Variants in SUPT6H observed in about 807,000 individuals in gnomAD.
The protein encoded by SUPT6H is SPT6 homolog, histone chaperone and transcription elongation factor, also known as transcription elongation factor SPT6.
Under a neutral mutation model 222.3 loss-of-function variants are expected in SUPT6H, and 11 were observed. The ratio of observed to expected loss-of-function variants is 0.05; its 90% CI spans 0.03 to 0.08. The LOEUF (loss-of-function observed/expected upper bound fraction) is 0.08. Among genes scored for constraint, SUPT6H ranks in the 10% least tolerant of loss-of-function variants. The pLI, the probability that SUPT6H is intolerant of heterozygous loss-of-function variation, is 1.00. For synonymous variants in SUPT6H, 762 were observed against 801.2 expected (o/e 0.95, Z 0.83); for missense variants, 1,422 against 2,216.0 (o/e 0.64, Z 7.19).
At chr17:28,692,027 A>C (rs956889286) in intron 27 of SUPT6H, among the ~76,000 whole-genome samples, 5 of 151,660 alleles carry the variant, frequency 3.3e-5, no homozygotes, top group Middle Eastern at 3.2e-3. Context: ...CCTTTTTTAA[A>C]AAAAGGGAGG....
At chr17:28,673,575 C>A in intron 2 of SUPT6H, 65 bp downstream of exon 2, 2 of 1,264,390 alleles carry the variant, frequency 1.6e-6, no homozygotes, top group Non-Finnish European at 2.3e-6. Flanking sequence ...TGGATTCTTG[C>A]TGATGAAAAG....
intron 1 of SUPT6H, among the ~76,000 whole-genome samples, chr17:28,665,678 G>T (rs920998801): frequency 6.6e-6 from 1 of 152,202 alleles, no homozygotes; most frequent in East Asian, 1.9e-4. Flanking sequence ...CAGGAGAATT[G>T]CTTGAACCTG....
In SUPT6H at chr17:28,701,828, C is replaced by G; in HGVS notation, c.*203C>G. 3.5e-6 allele frequency: 2 copies of G among 575,026 alleles called. No individual in the cohort carries two copies. The highest frequency in any genetic ancestry group is 3.1e-5 in the Admixed American group (1 of 32,596). 35.6% of individuals were successfully genotyped at this position (575,026 alleles called of 1,614,324 possible). ...ATGCTAGGCAACAATTCTCCCGCTC[C>G]AGACCCTCACCGACCACCTGTCCTG... On this transcript the variant is annotated 3_prime_UTR_variant, in exon 37 of 37. Coordinates refer to ENST00000314616, the MANE Select transcript of SUPT6H (RefSeq NM_003170.5).
Position 28,683,279 on chromosome 17 carries a change from G to A in SUPT6H, c.1890G>A (p.Glu630=), listed in dbSNP as rs767639709. ...PTKKGRKDVD[E]AHYAYSFKYL... is the part of the protein sequence containing the mutation. ...CTTCATGTGTGCAGGATGTGGATGA[G>A]GCCCACTATGCCTATTCCTTCAAGT... The change falls in exon 16 of 37, where the codon GAG becomes GAA. Residue 630 remains glutamate (E), a synonymous_variant. Coordinates refer to ENST00000314616, the MANE Select transcript of SUPT6H (RefSeq NM_003170.5). 6.2e-7 allele frequency: 1 copy of A among 1,614,156 alleles called. No individual in the cohort carries two copies. Among genetic ancestry groups the A allele is most frequent in the Admixed American group, 1.7e-5 (1 of 60,018 alleles).
chr17:28,663,878 T>C (rs2151593545), intron 1 of SUPT6H, among the ~76,000 whole-genome samples: 1 of 132,032 alleles, frequency 7.6e-6, no homozygotes. Context: ...TTGCCCAGGT[T>C]GGAGTGCAGT....
chr17:28,688,389 C>A lies in SUPT6H; in HGVS notation c.3134+171C>A. 1.4e-6 allele frequency: 1 copy of A among 698,560 alleles called. No individual in the cohort carries two copies. The highest frequency in any genetic ancestry group is 2.1e-6 in the Non-Finnish European group (1 of 479,062). 43.3% of individuals were successfully genotyped at this position (698,560 alleles called of 1,614,324 possible). ...AGAGCCCCTGACCTATGGAAAAGATCGGTTCAATCATGTGAAACATTTTTC... is the reference window on the plus strand; with the variant it reads ...AGAGCCCCTGACCTATGGAAAAGATAGGTTCAATCATGTGAAACATTTTTC... On this transcript the variant is annotated intron_variant, in intron 24 of 36. Coordinates refer to ENST00000314616, the MANE Select transcript of SUPT6H (RefSeq NM_003170.5). The surrounding 1 kb of genome is among the most constrained non-coding windows in gnomAD (Gnocchi z 4.3).
intron 1 of SUPT6H, among the ~76,000 whole-genome samples, chr17:28,663,527 G>T (rs2072104832): frequency 1.3e-5 from 2 of 152,060 alleles, no homozygotes; most frequent in Admixed American, 1.3e-4. Flanking sequence ...AGGCAAATAC[G>T]TTTGCCCTGA....
chr17:28,678,343 G>C, intron 9 of SUPT6H, 151 bp downstream of exon 9: 2 of 863,044 alleles, frequency 2.3e-6, no homozygotes, highest in South Asian at 1.5e-5. Flanking sequence ...CCTAGTGATC[G>C]TAAGAACAAT....
chr17:28,664,139 T>G (rs975532696), intron 1 of SUPT6H, among the ~76,000 whole-genome samples: 2 of 152,154 alleles, frequency 1.3e-5, no homozygotes, highest in Non-Finnish European at 2.9e-5. Context: ...GACATTTCAC[T>G]CTTGGATTTT....
intron 26 of SUPT6H, among the ~76,000 whole-genome samples, chr17:28,690,718 C>T (rs1200669996): frequency 6.6e-6 from 1 of 152,138 alleles, no homozygotes; most frequent in Non-Finnish European, 1.5e-5. Flanking sequence ...AGGTTACAGT[C>T]AGCCAAGATA....
chr17:28,685,223 C>A (rs1315013775), intron 19 of SUPT6H, among the ~76,000 whole-genome samples: 1 of 152,134 alleles, frequency 6.6e-6, no homozygotes, highest in Non-Finnish European at 1.5e-5. Flanking sequence ...TCTTTTCTTA[C>A]CAGCATCTGG....
intron 29 of SUPT6H, 115 bp from the exon 30 acceptor site, chr17:28,696,729 G>A (rs1319739653): frequency 5.1e-6 from 5 of 972,098 alleles, no homozygotes; most frequent in East Asian, 2.4e-5. Context: ...CTCCAGCCCA[G>A]ATGACAGAGC....
chr17:28,673,331 T>C lies in SUPT6H; in HGVS notation c.-31-40T>C. 2.4e-6 allele frequency: 3 copies of C among 1,263,494 alleles called. No homozygotes were observed. In the East Asian group the frequency reaches 7.4e-5, roughly 31 times the overall value. The allele number at this position is 1,263,494 out of a possible 1,614,324, so 78.3% of individuals were successfully genotyped here. ...GGTTTAAGAGCCCTCTGTACAATCATGTGTCCGTTTTTTTATCCTTCACTC... is the reference window on the plus strand; with the variant it reads ...GGTTTAAGAGCCCTCTGTACAATCACGTGTCCGTTTTTTTATCCTTCACTC... On this transcript the variant is annotated intron_variant, in intron 1 of 36. Coordinates refer to ENST00000314616, the MANE Select transcript of SUPT6H (RefSeq NM_003170.5).
chr17:28,682,470 A>T (rs1410385416), intron 13 of SUPT6H, among the ~76,000 whole-genome samples: 1 of 152,132 alleles, frequency 6.6e-6, no homozygotes, highest in Non-Finnish European at 1.5e-5. Flanking sequence ...TACAGAAAAA[A>T]TTAGCCAGGA....
In SUPT6H at chr17:28,700,926, T is replaced by C; in HGVS notation, c.4807-15T>C. 1.9e-6 allele frequency: 3 copies of C among 1,605,662 alleles called. No individual in the cohort carries two copies. ...CCCCACACCCATCCCTATTTAACTG[T>C]TCATGCCTCTCCAGGTATTCCCAAC... On this transcript the variant is annotated splice_polypyrimidine_tract_variant and intron_variant, in intron 35 of 36. Coordinates refer to ENST00000314616, the MANE Select transcript of SUPT6H (RefSeq NM_003170.5).
chr17:28,700,482 C>G lies in SUPT6H; in HGVS notation c.4776C>G (p.Gly1592=), dbSNP rs771684139. 9 of 1,614,102 alleles carry G rather than the reference C, an allele frequency of 5.6e-6. No homozygotes were observed. The South Asian group carries it at 9.9e-5, about 18-fold the overall frequency. ...AQWASSQYGY[G]GSGGGSSAYH... ...GGGCCTCCAGCCAGTACGGCTATGG[C>G]GGCAGTGGAGGCGGCAGCAGTGCTT... The change falls in exon 35 of 37, where the codon GGC becomes GGG. Residue 1592 remains glycine (G), a synonymous_variant. Coordinates refer to ENST00000314616, the MANE Select transcript of SUPT6H (RefSeq NM_003170.5).
At chr17:28,678,512 C>T (rs766359031) in intron 9 of SUPT6H, 33 bp from the exon 10 acceptor site, 2 of 1,599,790 alleles carry the variant, frequency 1.3e-6, no homozygotes, top group South Asian at 1.1e-5. Context: ...AATCTGTCTT[C>T]TCTGAGTGAC....
chr17:28,675,782 C>T (rs143902646), intron 6 of SUPT6H, among the ~76,000 whole-genome samples: 1 of 152,254 alleles, frequency 6.6e-6, no homozygotes, highest in African/African-American at 2.4e-5. Flanking sequence ...TATTGACATT[C>T]TTAATATATT....
Position 28,678,650 on chromosome 17 carries a change from G to A in SUPT6H, c.1206+16G>A. On this transcript the variant is annotated intron_variant, in intron 10 of 36. Coordinates refer to ENST00000314616, the MANE Select transcript of SUPT6H (RefSeq NM_003170.5). ...GGATGAAAAGGTAATGTAGATCCGT[G>A]GCCCCCAAGAGGTGTGGGCCAGGGA... The A allele has an allele frequency of 6.2e-7, 1 of 1,613,726 alleles. No individual in the cohort carries two copies. The highest frequency in any genetic ancestry group is 8.5e-7 in the Non-Finnish European group (1 of 1,179,822).
Sources: allele counts gnomAD v4.1 joint callset (sites outside exome capture counted in the v4.1 genomes callset), GRCh38; gene constraint gnomAD v4.1.1; non-coding constraint Gnocchi (gnomAD v3.1); transcripts MANE v1.5; gene names NCBI Gene and HGNC (gene_info 2026-07-23, HGNC 2026-07-21).